SCD5: variants seen among roughly 807,000 people sequenced by gnomAD.
SCD5 encodes stearoyl-CoA desaturase 5, also known as acyl-CoA-desaturase 4.
SCD5 carries 20 observed loss-of-function variants against 30.4 expected under a neutral mutation model. The observed-to-expected ratio is 0.66, with a 90% CI of 0.46 to 0.96. SCD5 has a LOEUF of 0.96. Ranked by LOEUF, SCD5 falls within the 40% of genes least tolerant of loss-of-function variation. The probability of loss-of-function intolerance (pLI) is 0.00; values close to 1 mark genes in which losing one functional copy is unlikely to be tolerated. For missense variants in SCD5, 381 were observed against 443.3 expected, an observed-to-expected ratio of 0.86 and a Z score of 1.26; for synonymous variants, 173 against 176.4, an observed-to-expected ratio of 0.98 and a Z score of 0.16.
At chr4:82,787,405 G>A (rs1722010262) in intron 1 of SCD5, among the ~76,000 whole-genome samples, 1 of 151,872 alleles carries the variant, frequency 6.6e-6, no homozygotes, top group Admixed American at 6.6e-5. Flanking sequence ...CTACTGGGAA[G>A]AGCACACTGA....
chr4:82,730,107 T>C (rs1003272190), intron 1 of SCD5, among the ~76,000 whole-genome samples: 24 of 151,944 alleles, frequency 1.6e-4, no homozygotes, highest in Non-Finnish European at 2.6e-4. Context: ...CTTGTTTATG[T>C]TTCTCTTGCT....
intron 3 of SCD5, among the ~76,000 whole-genome samples, chr4:82,652,582 G>A (rs866156500): frequency 6.6e-6 from 1 of 152,138 alleles, no homozygotes; most frequent in South Asian, 2.1e-4. Flanking sequence ...AGATAAGGAA[G>A]AGGAATTTCA....
intron 3 of SCD5, among the ~76,000 whole-genome samples, chr4:82,648,822 C>T (rs1432552974): frequency 1.3e-5 from 2 of 152,030 alleles, no homozygotes; most frequent in Non-Finnish European, 2.9e-5. Flanking sequence ...AACACATGGG[C>T]TCTCGGTGAG....
intron 4 of SCD5, 94 bp from the exon 5 acceptor site, chr4:82,631,611 G>A (rs3733229): frequency 0.2 from 273,148 of 1,348,220 alleles, 31,280 homozygotes; most frequent in African/African-American, 0.45. Flanking sequence ...ACCATGTGCA[G>A]GACATGGTGT....
At chr4:82,658,034 T>C (rs1265026380) in intron 3 of SCD5, among the ~76,000 whole-genome samples, 1 of 152,196 alleles carries the variant, frequency 6.6e-6, no homozygotes, top group Non-Finnish European at 1.5e-5. Flanking sequence ...AATCATGTCA[T>C]CTGCAAACAG....
At chr4:82,783,070 T>A (rs1721908324) in intron 1 of SCD5, among the ~76,000 whole-genome samples, 1 of 152,206 alleles carries the variant, frequency 6.6e-6, no homozygotes, top group Non-Finnish European at 1.5e-5. Context: ...CCCCCAGAGA[T>A]ACTAATTCTG....
At chr4:82,792,932 G>C (rs1722129861) in intron 1 of SCD5, among the ~76,000 whole-genome samples, 1 of 152,134 alleles carries the variant, frequency 6.6e-6, no homozygotes, top group African/African-American at 2.4e-5. Flanking sequence ...ACCTTGATCA[G>C]TTTGTTTGTT....
intron 1 of SCD5, among the ~76,000 whole-genome samples, chr4:82,727,215 G>T (rs1348492409): frequency 6.6e-6 from 1 of 152,180 alleles, no homozygotes; most frequent in Non-Finnish European, 1.5e-5. Flanking sequence ...GTGTAACAAT[G>T]ATATGCAGTG....
chr4:82,770,151 A>G (rs1721587507), intron 1 of SCD5, among the ~76,000 whole-genome samples: 1 of 151,926 alleles, frequency 6.6e-6, no homozygotes, highest in Non-Finnish European at 1.5e-5. Flanking sequence ...CGTCATTTAC[A>G]TTAGGTATAT....
intron 3 of SCD5, among the ~76,000 whole-genome samples, chr4:82,653,676 T>TGATAGACAGATAGATAGATA (rs146878462): frequency 7.3e-6 from 1 of 136,556 alleles, no homozygotes; most frequent in African/African-American, 2.8e-5. Flanking sequence ...TGAAAGTCAA[T>TGATAGACAGATAGATAGATA]GATAGATAGA....
intron 4 of SCD5, among the ~76,000 whole-genome samples, chr4:82,633,298 G>A (rs760699636): frequency 1.3e-5 from 2 of 152,142 alleles, no homozygotes; most frequent in East Asian, 1.9e-4. Context: ...TTCAAGTTGT[G>A]GCAAATGACA....
At chr4:82,728,664 T>C (rs183042568) in intron 1 of SCD5, among the ~76,000 whole-genome samples, 1 of 152,236 alleles carries the variant, frequency 6.6e-6, no homozygotes, top group African/African-American at 2.4e-5. Context: ...CACTCCCCTG[T>C]GATTTCATCC....
Position 82,679,215 on chromosome 4 carries a change from GAAAGA to G in SCD5, c.569+1487_569+1491del, listed in dbSNP as rs1363394007. On this transcript the variant is annotated intron_variant, in intron 3 of 4. Transcript: ENST00000319540. ...CTCCATCTCCAAAAAAAAAAAAAAA[GAAAGA>G]AAAGAAAGAAAGAAAGAAAGAAAGA... Among the ~76,000 whole-genome samples, 119 of 20,430 alleles carry G rather than the reference GAAAGA, an allele frequency of 5.8e-3. 13 individuals carry two copies. The highest frequency in any genetic ancestry group is 0.062 in the Middle Eastern group (2 of 32). 13.4% of individuals were successfully genotyped at this position (20,430 alleles called of 152,430 possible). A position where few individuals can be genotyped will look rare whatever the true frequency, so the allele number is the denominator to read the frequency against.
chr4:82,677,436 G>A (rs866695592), intron 3 of SCD5, among the ~76,000 whole-genome samples: 5 of 152,006 alleles, frequency 3.3e-5, no homozygotes, highest in Non-Finnish European at 7.4e-5. Context: ...CTGCTGTGAC[G>A]GTGCCTGACA....
chr4:82,749,732 T>G (rs1721062153), intron 1 of SCD5, among the ~76,000 whole-genome samples: 1 of 152,208 alleles, frequency 6.6e-6, no homozygotes, highest in Non-Finnish European at 1.5e-5. Flanking sequence ...ATCATCCAAC[T>G]ATTTCACAGA....
chr4:82,685,290 A>G (rs527323864), intron 2 of SCD5, among the ~76,000 whole-genome samples: 6 of 152,208 alleles, frequency 3.9e-5, no homozygotes, highest in African/African-American at 1.2e-4. Flanking sequence ...ACGCCATACT[A>G]TAGTCCTACT....
chr4:82,700,011 G>A (rs1719783708), intron 2 of SCD5, among the ~76,000 whole-genome samples: 1 of 151,834 alleles, frequency 6.6e-6, no homozygotes, highest in African/African-American at 2.4e-5. Context: ...GAGGCCAGGA[G>A]TTTGAGACCA....
chr4:82,736,934 G>A (rs374409472), intron 1 of SCD5, among the ~76,000 whole-genome samples: 7 of 152,166 alleles, frequency 4.6e-5, no homozygotes, highest in Admixed American at 2.6e-4. Flanking sequence ...TCAAAGTGTT[G>A]GGATTACAGG....
intron 3 of SCD5, among the ~76,000 whole-genome samples, chr4:82,659,375 T>C (rs1252436414): frequency 5.3e-5 from 8 of 152,190 alleles, no homozygotes; most frequent in African/African-American, 1.7e-4. Context: ...TCTGCTAGCT[T>C]TTGAATTTGT....
Sources: gnomAD v4.1 joint callset for allele counts (sites outside exome capture counted in the v4.1 genomes callset) on GRCh38, gnomAD v4.1.1 for gene constraint, MANE v1.5 for transcripts, NCBI Gene and HGNC (gene_info 2026-07-23, HGNC 2026-07-21) for gene names.